The following ATP6V1C1 variants were observed in gnomAD, a reference collection of about 807,000 sequenced individuals.
ATP6V1C1 encodes the protein V-type proton ATPase subunit C 1.
In ATP6V1C1, 45 loss-of-function variants were observed where a neutral mutation model predicts 53.9. The ratio of observed to expected loss-of-function variants is 0.83; its 90% CI spans 0.66 to 1.07. The LOEUF (loss-of-function observed/expected upper bound fraction) is 1.07, where lower values mean the gene tolerates loss of function less well. Ranked by LOEUF, ATP6V1C1 falls within the 50% of genes least tolerant of loss-of-function variation. The probability of loss-of-function intolerance (pLI) is 0.00; values close to 1 mark genes in which losing one functional copy is unlikely to be tolerated. For missense variants in ATP6V1C1, 315 were observed against 440.3 expected, an observed-to-expected ratio of 0.72 and a Z score of 2.55; for synonymous variants, 153 against 155.2, an observed-to-expected ratio of 0.99 and a Z score of 0.11.
rs771686424 is a variant in ATP6V1C1 at position 103,040,977 on chromosome 8, G to T, written c.132+9G>T. ...ATATTCCTGACTTAAAGGTGAAGCT[G>T]CACTGTGCAAAATTATATATGAGTT... On this transcript the variant is annotated intron_variant, in intron 2 of 12. Transcript: ENST00000518738. The T allele has an allele frequency of 6.2e-7, 1 of 1,613,530 alleles. No individual in the cohort carries two copies. The highest frequency in any genetic ancestry group is 8.5e-7 in the Non-Finnish European group (1 of 1,179,640).
chr8:103,065,397 T>TA (rs1050647463), intron 11 of ATP6V1C1, among the ~76,000 whole-genome samples: 2 of 151,696 alleles, frequency 1.3e-5, no homozygotes, highest in Admixed American at 6.6e-5. Flanking sequence ...ACTAAAAATA[T>TA]AAAAAAATTA....
At chr8:103,048,999 CA>C (rs1817153818) in intron 4 of ATP6V1C1, 44 bp downstream of exon 4, 1 of 1,541,304 alleles carries the variant, frequency 6.5e-7, no homozygotes, top group Non-Finnish European at 8.9e-7. Context: ...TCATACAAAG[CA>C]AATAACTAAG....
At chr8:103,047,510 G>A (rs1213000572) in intron 3 of ATP6V1C1, among the ~76,000 whole-genome samples, 3 of 141,668 alleles carry the variant, frequency 2.1e-5, no homozygotes, top group Non-Finnish European at 4.5e-5. Context: ...TTCTTAATTT[G>A]TCTTCCAGTT....
chr8:103,069,055 T>A lies in ATP6V1C1; in HGVS notation c.*308T>A, dbSNP rs900442556. On this transcript the variant is annotated 3_prime_UTR_variant, in exon 13 of 13. Transcript: ENST00000518738. ...TATTGATATCATGGTATGCATTAAT[T>A]CCATTTGTTACTATTGTGCACAAAA... 1 of 172,952 alleles carries A rather than the reference T, an allele frequency of 5.8e-6. No individual in the cohort carries two copies. The highest frequency in any genetic ancestry group is 6.3e-5 in the Admixed American group (1 of 15,986). 10.7% of individuals were successfully genotyped at this position (172,952 alleles called of 1,614,324 possible). A position where few individuals can be genotyped will look rare whatever the true frequency, so the allele number is the denominator to read the frequency against.
intron 3 of ATP6V1C1, among the ~76,000 whole-genome samples, chr8:103,045,947 AAAAG>A (rs1373775378): frequency 1.3e-5 from 2 of 152,022 alleles, no homozygotes; most frequent in Non-Finnish European, 2.9e-5. Context: ...TTTCAAAAAA[AAAAG>A]AAAAGAAAAA....
At chr8:103,045,363 G>A (rs922869259) in intron 3 of ATP6V1C1, among the ~76,000 whole-genome samples, 2 of 152,230 alleles carry the variant, frequency 1.3e-5, no homozygotes, top group African/African-American at 4.8e-5. Flanking sequence ...ATCTAAGGAT[G>A]TATTGATGTT....
intron 1 of ATP6V1C1, among the ~76,000 whole-genome samples, chr8:103,034,771 A>G (rs1816862867): frequency 6.6e-6 from 1 of 151,746 alleles, no homozygotes; most frequent in Non-Finnish European, 1.5e-5. Context: ...TGGTTTTGTC[A>G]TGTTGGGCAG....
chr8:103,048,831 T>A, intron 3 of ATP6V1C1, 39 bp from the exon 4 acceptor site: 5 of 1,555,438 alleles, frequency 3.2e-6, no homozygotes, highest in Non-Finnish European at 4.4e-6. Context: ...ATTTAGATCT[T>A]TTTCCTGAGA....
At chr8:103,056,624 G>A (rs1015971805) in intron 8 of ATP6V1C1, among the ~76,000 whole-genome samples, 4 of 152,122 alleles carry the variant, frequency 2.6e-5, no homozygotes, top group African/African-American at 9.7e-5. Context: ...CAGAGTTAGG[G>A]CTAGAACTCA....
intron 12 of ATP6V1C1, among the ~76,000 whole-genome samples, chr8:103,066,746 A>G (rs1162951430): frequency 1.4e-5 from 2 of 140,682 alleles, no homozygotes; most frequent in African/African-American, 6.5e-5. Flanking sequence ...TACAAAAACT[A>G]TAAATTGCAG....
At chr8:103,029,986 G>A (rs1414629873) in intron 1 of ATP6V1C1, among the ~76,000 whole-genome samples, 3 of 151,794 alleles carry the variant, frequency 2.0e-5, no homozygotes, top group Non-Finnish European at 4.4e-5. Context: ...CACCTGTCTT[G>A]GCCTCCCAAA....
chr8:103,040,383 C>T (rs1010314451), intron 1 of ATP6V1C1, among the ~76,000 whole-genome samples: 5 of 150,242 alleles, frequency 3.3e-5, no homozygotes, highest in Non-Finnish European at 7.4e-5. Context: ...CACTGTACTC[C>T]AGCCTGGGCG....
chr8:103,030,883 G>T (rs1382108357), intron 1 of ATP6V1C1, among the ~76,000 whole-genome samples: 1 of 152,194 alleles, frequency 6.6e-6, no homozygotes, highest in Non-Finnish European at 1.5e-5. Flanking sequence ...ATGGGAGAGA[G>T]AACTTATTGA....
At chr8:103,023,333 G>C (rs1337795214) in intron 1 of ATP6V1C1, among the ~76,000 whole-genome samples, 2 of 148,450 alleles carry the variant, frequency 1.3e-5, no homozygotes. Flanking sequence ...TGGCAAAAGT[G>C]AATGAGGGGA....
chr8:103,054,375 G>C (rs1415977282), intron 7 of ATP6V1C1, among the ~76,000 whole-genome samples: 2 of 152,040 alleles, frequency 1.3e-5, no homozygotes, highest in East Asian at 3.8e-4. Flanking sequence ...AGCAAAGAAT[G>C]GATTAGATCA....
chr8:103,056,072 G>T (rs1817285062), intron 8 of ATP6V1C1, 136 bp downstream of exon 8: 2 of 772,640 alleles, frequency 2.6e-6, no homozygotes, highest in Admixed American at 5.6e-5. Context: ...AACTCTAGTT[G>T]TAATAATTTT....
chr8:103,052,595 T>C, intron 5 of ATP6V1C1, 136 bp from the exon 6 acceptor site: 1 of 415,072 alleles, frequency 2.4e-6, no homozygotes, highest in East Asian at 3.7e-5. Context: ...AGTCGTGCTT[T>C]TAAAATAATA....
chr8:103,055,880 C>T lies in ATP6V1C1; in HGVS notation c.585C>T (p.Asn195=), dbSNP rs368547373. ...ACCTTTTCTGCAGGTTAAACCACAA[C>T]GACTGGATTAAGCAGTATGAAACAC... is the stretch of plus-strand genomic sequence containing the variant. ...LLVVVPKLNH[N]DWIKQYETLA... The change falls in exon 8 of 13, where the codon AAC becomes AAT. Residue 195 remains asparagine, a synonymous_variant. Transcript: ENST00000518738. The T allele has an allele frequency of 3.4e-5, 54 of 1,611,894 alleles. No homozygotes were observed. The highest frequency in any genetic ancestry group is 1.4e-4 in the South Asian group (13 of 91,022).
chr8:103,040,781 T>C lies in ATP6V1C1; in HGVS notation c.-39-17T>C. 5 of 1,564,296 alleles carry C rather than the reference T, an allele frequency of 3.2e-6. No individual in the cohort carries two copies. Among genetic ancestry groups the C allele is most frequent in the Non-Finnish European group, 4.3e-6 (5 of 1,153,894 alleles). On this transcript the variant is annotated splice_polypyrimidine_tract_variant and intron_variant, in intron 1 of 12. Coordinates refer to ENST00000518738, the MANE Select transcript of ATP6V1C1 (RefSeq NM_001695.5). ...ATGATTTTAAATGTGATTTTTTTTATTTGTTTTACATTTCAGAATCTCTCT... is the reference window on the plus strand; with the variant it reads ...ATGATTTTAAATGTGATTTTTTTTACTTGTTTTACATTTCAGAATCTCTCT...
Sources: allele counts gnomAD v4.1 joint callset (sites outside exome capture counted in the v4.1 genomes callset), GRCh38; gene constraint gnomAD v4.1.1; transcripts MANE v1.5; gene names NCBI Gene and HGNC (gene_info 2026-07-23, HGNC 2026-07-21).